KCTD9: variants seen among roughly 807,000 people sequenced by gnomAD.
KCTD9 encodes the protein BTB/POZ domain-containing protein KCTD9.
KCTD9 carries 17 observed loss-of-function variants against 53.3 expected under a neutral mutation model. The observed-to-expected ratio is 0.32, with a 90% CI of 0.22 to 0.48. The LOEUF is 0.48. Among genes scored for constraint, KCTD9 ranks in the 20% least tolerant of loss-of-function variants. The pLI is 0.99. For synonymous variants in KCTD9, 128 were observed against 162.7 expected (o/e 0.79, Z 1.62); for missense variants, 179 against 465.5 (o/e 0.38, Z 5.66).
intron 1 of KCTD9, among the ~76,000 whole-genome samples, chr8:25,456,891 T>G (rs1483909572): frequency 6.6e-6 from 1 of 152,230 alleles, no homozygotes; most frequent in African/African-American, 2.4e-5. Flanking sequence ...TGAGAAATAT[T>G]ACCAATTTTG....
At chr8:25,444,858 G>A (rs1001482889) in intron 2 of KCTD9, among the ~76,000 whole-genome samples, 1 of 152,126 alleles carries the variant, frequency 6.6e-6, no homozygotes, top group Non-Finnish European at 1.5e-5. Flanking sequence ...TGGACAATCA[G>A]TGCACATCCT....
chr8:25,437,217 G>A (rs751321932), intron 6 of KCTD9, among the ~76,000 whole-genome samples: 65 of 152,096 alleles, frequency 4.3e-4, no homozygotes, highest in Admixed American at 7.2e-4. Flanking sequence ...CATTCCGTTC[G>A]GATATATATC....
intron 6 of KCTD9, 51 bp from the exon 7 acceptor site, chr8:25,436,536 C>T (rs768796719): frequency 9.1e-7 from 1 of 1,098,412 alleles, no homozygotes; most frequent in South Asian, 1.5e-5. Flanking sequence ...GAATGTATTA[C>T]ATTCATTTTG....
chr8:25,437,630 A>G (rs566306798), intron 6 of KCTD9, among the ~76,000 whole-genome samples: 133 of 152,150 alleles, frequency 8.7e-4, no homozygotes, highest in Non-Finnish European at 1.5e-3. Context: ...GTGAGCCGAG[A>G]TCGCGCCACT....
chr8:25,443,781 CCTTTT>C (rs1368749011), intron 3 of KCTD9, among the ~76,000 whole-genome samples: 1 of 152,142 alleles, frequency 6.6e-6, no homozygotes, highest in Non-Finnish European at 1.5e-5. Context: ...TTCCTTTCGG[CCTTTT>C]CTTTTGAGAT....
chr8:25,439,019 T>C (rs1425677763), intron 6 of KCTD9, among the ~76,000 whole-genome samples: 11 of 152,206 alleles, frequency 7.2e-5, no homozygotes, highest in Non-Finnish European at 5.9e-5. Flanking sequence ...ATTTAGAATA[T>C]AAAGTTGATG....
intron 1 of KCTD9, among the ~76,000 whole-genome samples, chr8:25,452,740 AAAC>A (rs1347203008): frequency 6.6e-6 from 1 of 152,266 alleles, no homozygotes; most frequent in Non-Finnish European, 1.5e-5. Flanking sequence ...TAAAGAAAAT[AAAC>A]AACCTAATGT....
At chr8:25,446,473 A>G (rs1468826685) in intron 1 of KCTD9, among the ~76,000 whole-genome samples, 2 of 152,164 alleles carry the variant, frequency 1.3e-5, no homozygotes, top group African/African-American at 2.4e-5. Context: ...TCTGACCAAA[A>G]CAATCTACAA....
chr8:25,447,633 A>G (rs1802239178), intron 1 of KCTD9, among the ~76,000 whole-genome samples: 1 of 152,186 alleles, frequency 6.6e-6, no homozygotes, highest in Non-Finnish European at 1.5e-5. Flanking sequence ...CAGAGTACTC[A>G]GATTCTAACT....
chr8:25,430,546 G>T (rs535767285), intron 11 of KCTD9, among the ~76,000 whole-genome samples: 8 of 152,232 alleles, frequency 5.3e-5, no homozygotes, highest in African/African-American at 1.7e-4. Context: ...ACCCCCAGAT[G>T]GGACTGTCTA....
At position 25,436,125 on chromosome 8, in the gene KCTD9, T is replaced by C. The variant is rs1802011419; in HGVS notation, c.663+110A>G. 4.0e-6 allele frequency: 3 copies of C among 751,216 alleles called. No homozygotes were observed. The African/African-American group carries it at 5.2e-5, about 13-fold the overall frequency. The allele number at this position is 751,216 out of a possible 1,614,324, so 46.5% of individuals were successfully genotyped here. ...TATGACTCATAATTAAATTAGATCT[T>C]GCATGTAAAAGAAAAACAAAGCAAG... is the stretch of plus-strand genomic sequence containing the variant. On this transcript the variant is annotated intron_variant, in intron 8 of 11. Transcript: ENST00000221200.
At chr8:25,454,321 C>T (rs180872832) in intron 1 of KCTD9, among the ~76,000 whole-genome samples, 3 of 152,164 alleles carry the variant, frequency 2.0e-5, no homozygotes, top group Non-Finnish European at 2.9e-5. Context: ...ACTCAGAAGG[C>T]ATTTACTAAG....
At chr8:25,435,647 G>T in intron 8 of KCTD9, 135 bp from the exon 9 acceptor site, 1 of 655,008 alleles carries the variant, frequency 1.5e-6, no homozygotes, top group Non-Finnish European at 2.5e-6. Flanking sequence ...TACAGAACAT[G>T]ATAAAATGGA....
intron 4 of KCTD9, 69 bp from the exon 5 acceptor site, chr8:25,439,733 T>G (rs1802082108): frequency 1.2e-6 from 2 of 1,608,674 alleles, no homozygotes; most frequent in Non-Finnish European, 1.7e-6. Flanking sequence ...AAGTCAAGAG[T>G]ATACTCGATC....
intron 9 of KCTD9, among the ~76,000 whole-genome samples, chr8:25,433,883 T>C (rs1463961134): frequency 6.6e-6 from 1 of 152,196 alleles, no homozygotes; most frequent in Non-Finnish European, 1.5e-5. Flanking sequence ...AAATTCTTGA[T>C]ATTCTAAGAT....
At chr8:25,458,123 G>A (rs1474189473) in intron 1 of KCTD9, 76 bp downstream of exon 1, 4 of 1,404,828 alleles carry the variant, frequency 2.8e-6, no homozygotes, top group Non-Finnish European at 3.9e-6. Context: ...CTTCACCGCT[G>A]CCCCGCCAGC....
rs1426608223 is a variant in KCTD9 at position 25,446,388 on chromosome 8, CTT to C, written c.49-140_49-139del. The C allele has an allele frequency of 1.5e-5, 14 of 941,998 alleles. No homozygotes were observed. The Admixed American group carries it at 3.5e-4, about 24-fold the overall frequency. The allele number at this position is 941,998 out of a possible 1,614,324, so 58.4% of individuals were successfully genotyped here. A position where few individuals can be genotyped will look rare whatever the true frequency, so the allele number is the denominator to read the frequency against. On this transcript the variant is annotated intron_variant, in intron 1 of 11. Transcript: ENST00000221200. ...TTCAAAAGGTTCTTAACAGTGCCCCCTTTTCTTCCATGACTCATTTATTCACT... is the reference window on the plus strand; with the variant it reads ...TTCAAAAGGTTCTTAACAGTGCCCCCTTCTTCCATGACTCATTTATTCACT...
chr8:25,446,586 G>T (rs1802218241), intron 1 of KCTD9, among the ~76,000 whole-genome samples: 1 of 152,178 alleles, frequency 6.6e-6, no homozygotes, highest in Non-Finnish European at 1.5e-5. Flanking sequence ...TCAACCTACT[G>T]ATGCTTCTGT....
intron 1 of KCTD9, among the ~76,000 whole-genome samples, chr8:25,454,579 A>G (rs1480035262): frequency 2.0e-5 from 3 of 152,226 alleles, no homozygotes; most frequent in Non-Finnish European, 4.4e-5. Flanking sequence ...GAAAATGTTG[A>G]GGCACATGGA....
Sources: gnomAD v4.1 joint callset for allele counts (sites outside exome capture counted in the v4.1 genomes callset) on GRCh38, gnomAD v4.1.1 for gene constraint, MANE v1.5 for transcripts, NCBI Gene and HGNC (gene_info 2026-07-23, HGNC 2026-07-21) for gene names.